The following MAST4 variants were observed in gnomAD, a reference collection of about 807,000 sequenced individuals.
The protein encoded by MAST4 is microtubule associated serine/threonine kinase family member 4.
A neutral mutation model predicts 162.7 loss-of-function variants in MAST4; 89 were observed. The ratio of observed to expected loss-of-function variants is 0.55; its 90% CI spans 0.46 to 0.65. The LOEUF is 0.65. Among genes scored for constraint, MAST4 ranks in the 30% least tolerant of loss-of-function variants. The probability of loss-of-function intolerance (pLI) is 0.00; values close to 1 mark genes in which losing one functional copy is unlikely to be tolerated. For synonymous variants in MAST4, 1,479 were observed against 1,361.1 expected, an observed-to-expected ratio of 1.09 and a Z score of -1.91; for missense variants, 3,153 against 3,374.0, an observed-to-expected ratio of 0.93 and a Z score of 1.62.
In MAST4 at chr5:66,630,020, T is replaced by G. The variant is rs1488030721; in HGVS notation, c.363+33002T>G. On this transcript the variant is annotated intron_variant, in intron 1 of 28. Coordinates refer to ENST00000403625, the MANE Select transcript of MAST4 (RefSeq NM_001164664.2). ...TTTAACTTGTTAGGTTAGATCTTTA[T>G]AGATAAGAAAAGACCATACTAGGGA... is the stretch of plus-strand genomic sequence containing the variant. Among the ~76,000 whole-genome samples, 6 of 152,282 alleles carry G rather than the reference T, an allele frequency of 3.9e-5. No individual in the cohort carries two copies. In the East Asian group the frequency reaches 1.2e-3, roughly 29 times the overall value.
intron 4 of MAST4, among the ~76,000 whole-genome samples, chr5:66,971,923 T>TG (rs112294529): frequency 0.16 from 24,053 of 152,084 alleles, 3,329 homozygotes; most frequent in African/African-American, 0.37. Flanking sequence ...TAAGTTGTGA[T>TG]TTCTTGGAGA....
chr5:67,019,721 C>G (rs1753741099), intron 4 of MAST4, among the ~76,000 whole-genome samples: 1 of 151,994 alleles, frequency 6.6e-6, no homozygotes, highest in Non-Finnish European at 1.5e-5. Flanking sequence ...TTTTTAAACT[C>G]TAAAGATGTG....
intron 3 of MAST4, among the ~76,000 whole-genome samples, chr5:66,872,333 C>G (rs1760996617): frequency 1.3e-5 from 2 of 152,064 alleles, no homozygotes; most frequent in Non-Finnish European, 2.9e-5. Flanking sequence ...CCATGCCTGG[C>G]TAATTTTTGT....
In MAST4 at chr5:67,166,311, C is replaced by G; in HGVS notation, c.7132C>G (p.Leu2378Val). The G allele has an allele frequency of 6.3e-7, 1 of 1,580,772 alleles. No homozygotes were observed. Among genetic ancestry groups the G allele is most frequent in the Non-Finnish European group, 8.6e-7 (1 of 1,162,614 alleles). ...GGAAGGGAAGAAATGCACTGAAGCA[C>G]TTTATGCTCCAGCAGAGGGCGACAA... ...RAEGKKCTEA[L>V]YAPAEGDKLE... Residue 2378 changes from leucine to valine, a missense_variant, in exon 29 of 29, where the codon CTT (leucine) becomes GTT (valine). Transcript: ENST00000403625.
chr5:66,867,498 CTT>C (rs2149859661), intron 3 of MAST4, among the ~76,000 whole-genome samples: 1 of 152,296 alleles, frequency 6.6e-6, no homozygotes, highest in Non-Finnish European at 1.5e-5. Flanking sequence ...TCTAAAATGA[CTT>C]AATAAGAGAA....
At chr5:67,049,756 G>T (rs1251087458) in intron 4 of MAST4, among the ~76,000 whole-genome samples, 1 of 152,008 alleles carries the variant, frequency 6.6e-6, no homozygotes, top group African/African-American at 2.4e-5. Context: ...TGCCTGTCGG[G>T]GTTTCCTCTC....
chr5:66,773,889 A>G (rs1295754592), intron 2 of MAST4, among the ~76,000 whole-genome samples: 3 of 152,216 alleles, frequency 2.0e-5, no homozygotes, highest in African/African-American at 7.2e-5. Context: ...GACTGCTGTA[A>G]ATTATTAATG....
At chr5:67,060,398 T>C (rs967063831) in intron 5 of MAST4, among the ~76,000 whole-genome samples, 4 of 151,848 alleles carry the variant, frequency 2.6e-5, no homozygotes, top group Admixed American at 2.6e-4. Context: ...GACTAATGAA[T>C]TCAGAGAAGA....
chr5:66,808,907 A>G (rs1756338226), intron 3 of MAST4, among the ~76,000 whole-genome samples: 1 of 152,124 alleles, frequency 6.6e-6, no homozygotes, highest in Non-Finnish European at 1.5e-5. Flanking sequence ...TGGAAATTAA[A>G]CCCACGCAAT....
intron 18 of MAST4, among the ~76,000 whole-genome samples, chr5:67,135,160 G>A (rs1240675069): frequency 3.3e-5 from 5 of 152,146 alleles, no homozygotes; most frequent in African/African-American, 9.7e-5. Context: ...TAAATAATGA[G>A]AATGGGAAAG....
At chr5:66,984,741 G>A (rs1358202621) in intron 4 of MAST4, among the ~76,000 whole-genome samples, 1 of 151,470 alleles carries the variant, frequency 6.6e-6, no homozygotes, top group Non-Finnish European at 1.5e-5. Context: ...GGCTTGCCAA[G>A]GGATGAGTTG....
In MAST4 at chr5:67,164,701, CA is replaced by C. The variant is rs772564741; in HGVS notation, c.5523del (p.Val1842PhefsTer23). The C allele has an allele frequency of 4.3e-5, 69 of 1,613,890 alleles. No homozygotes were observed. The highest frequency in any genetic ancestry group is 5.6e-5 in the Non-Finnish European group (66 of 1,179,898). On this transcript the variant is annotated frameshift_variant, in exon 29 of 29. Coordinates refer to ENST00000403625, the MANE Select transcript of MAST4 (RefSeq NM_001164664.2). LOFTEE classifies it low-confidence loss of function (END_TRUNC). This position sits in a 1 kb window ranked among gnomAD's most constrained non-coding sequence, Gnocchi z 5.3. Reference protein sequence around the residue: ...PSGDVRASVPPVLPSSSGKKN... With the variant: ...PSGDVRASVPXVLPSSSGKKN... ...GGTGACGTGAGGGCCTCTGTGCCAC[CA>C]GTTCTCCCCAGCAGCAGTGGGAAAA...
intron 4 of MAST4, among the ~76,000 whole-genome samples, chr5:67,045,365 C>T (rs16896186): frequency 0.024 from 3,720 of 152,252 alleles, 70 homozygotes; most frequent in Admixed American, 0.054. Context: ...ACCAATGACA[C>T]GTGCTAATAC....
In MAST4 at chr5:66,624,659, A is replaced by C. The variant is rs1324156602; in HGVS notation, c.363+27641A>C. ...ACTTCAAATTATATTACAACGCTAT[A>C]GTAATCACAACAGCATGGTACTGCT... On this transcript the variant is annotated intron_variant, in intron 1 of 28. Transcript: ENST00000403625. Among the ~76,000 whole-genome samples the C allele has an allele frequency of 2.0e-5, 3 of 152,240 alleles. No individual in the cohort carries two copies. The East Asian group carries it at 5.8e-4, about 29-fold the overall frequency.
intron 1 of MAST4, among the ~76,000 whole-genome samples, chr5:66,691,969 G>A (rs1002258079): frequency 6.6e-6 from 1 of 151,984 alleles, no homozygotes; most frequent in Non-Finnish European, 1.5e-5. Context: ...TTCTCCCCAG[G>A]GCAAGAATTT....
At chr5:66,933,437 C>T (rs1233317829) in intron 4 of MAST4, among the ~76,000 whole-genome samples, 1 of 152,112 alleles carries the variant, frequency 6.6e-6, no homozygotes, top group Non-Finnish European at 1.5e-5. Flanking sequence ...GATTGCATGC[C>T]ATCATCTTCT....
intron 26 of MAST4, among the ~76,000 whole-genome samples, 172 bp from the exon 27 acceptor site, chr5:67,160,284 C>T (rs920198406): frequency 6.6e-6 from 1 of 152,222 alleles, no homozygotes; most frequent in African/African-American, 2.4e-5. Flanking sequence ...TTTTGCCTTC[C>T]ACCCAGTTTG....
chr5:67,025,043 A>G (rs1377312828), intron 4 of MAST4, among the ~76,000 whole-genome samples: 1 of 152,154 alleles, frequency 6.6e-6, no homozygotes, highest in African/African-American at 2.4e-5. Flanking sequence ...CATTGACAAG[A>G]CATTGTGGAT....
intron 4 of MAST4, among the ~76,000 whole-genome samples, chr5:67,036,484 C>T (rs1756033760): frequency 6.6e-6 from 1 of 152,106 alleles, no homozygotes; most frequent in South Asian, 2.1e-4. Flanking sequence ...ATGCAGTAGT[C>T]CCTCAGTGTC....
Sources: gnomAD v4.1 joint callset for allele counts (sites outside exome capture counted in the v4.1 genomes callset) on GRCh38, gnomAD v4.1.1 for gene constraint, Gnocchi (gnomAD v3.1) non-coding constraint, MANE v1.5 for transcripts, NCBI Gene and HGNC (gene_info 2026-07-23, HGNC 2026-07-21) for gene names.